The following MAGI1 variants were observed in gnomAD, a reference collection of about 807,000 sequenced individuals.
MAGI1 encodes the protein membrane-associated guanylate kinase, WW and PDZ domain-containing protein 1.
MAGI1 carries 58 observed loss-of-function variants against 139.9 expected under a neutral mutation model. The observed-to-expected ratio is 0.41, with a 90% CI of 0.34 to 0.52. The LOEUF (loss-of-function observed/expected upper bound fraction) is 0.52. Among genes scored for constraint, MAGI1 ranks in the 20% least tolerant of loss-of-function variants. The pLI, the probability that MAGI1 is intolerant of heterozygous loss-of-function variation, is 0.12. For missense variants in MAGI1, 1,874 were observed against 1,901.6 expected (o/e 0.99, Z 0.27); for synonymous variants, 812 against 737.9 (o/e 1.10, Z -1.63).
intron 1 of MAGI1, among the ~76,000 whole-genome samples, chr3:65,929,876 T>C (rs763395845): frequency 1.3e-5 from 2 of 151,972 alleles, no homozygotes; most frequent in East Asian, 3.9e-4. Context: ...AATTCTGGGG[T>C]CTAATCCATT....
At position 65,356,507 on chromosome 3, in the gene MAGI1, T is replaced by C. The variant is rs1352995509; in HGVS notation, c.4260A>G (p.Arg1420=). 3.1e-6 allele frequency: 5 copies of C among 1,608,946 alleles called. No homozygotes were observed. The highest frequency in any genetic ancestry group is 3.4e-6 in the Non-Finnish European group (4 of 1,179,094). Residue 1420 remains arginine (R), a synonymous_variant, in exon 23 of 23, where the codon AGA becomes AGG. Coordinates refer to ENST00000402939, the MANE Select transcript of MAGI1 (RefSeq NM_001033057.2). ...TTTCTCGGTGGCTGGCTCTGTCCTC[T>C]CTGTTCCTTTTGTCCAGGGACCGCT... ...RRERSLDKRN[R]EDRASHRERE... is the part of the protein sequence containing the mutation.
In MAGI1 at chr3:65,585,371, T is replaced by C. The variant is rs1255561098; in HGVS notation, c.430+36601A>G. 3.3e-5 allele frequency among the ~76,000 whole-genome samples: 5 copies of C among 152,158 alleles called. No individual in the cohort carries two copies. The East Asian group carries it at 9.6e-4, about 29-fold the overall frequency. On this transcript the variant is annotated intron_variant, in intron 2 of 22. Coordinates refer to ENST00000402939, the MANE Select transcript of MAGI1 (RefSeq NM_001033057.2). ...GTGGATAAAGGATTTGAACAGACAC[T>C]TCACAAAAGAAAATATACAGATGGC... is the stretch of plus-strand genomic sequence containing the variant.
Position 65,899,106 on chromosome 3 carries a change from C to T in MAGI1, c.313+138890G>A, listed in dbSNP as rs188413268. 5.8e-4 allele frequency among the ~76,000 whole-genome samples: 88 copies of T among 151,936 alleles called. 1 individual carries two copies. Among genetic ancestry groups the T allele is most frequent in the African/African-American group, 1.9e-3 (79 of 41,448 alleles). ...CGCTCAGCTAATTTTTTTGTAGAGA[C>T]GGGTTTCGCCATGTTGCCCAGGCTG... On this transcript the variant is annotated intron_variant, in intron 1 of 22. Transcript: ENST00000402939.
chr3:65,973,170 A>T (rs2065091199), intron 1 of MAGI1, among the ~76,000 whole-genome samples: 1 of 152,066 alleles, frequency 6.6e-6, no homozygotes, highest in African/African-American at 2.4e-5. Context: ...AAATAAAATA[A>T]AATATAAAAT....
At chr3:66,018,531 G>A (rs192414828) in intron 1 of MAGI1, among the ~76,000 whole-genome samples, 30 of 152,268 alleles carry the variant, frequency 2.0e-4, no homozygotes, top group Admixed American at 1.2e-3. Flanking sequence ...TCACACAGCC[G>A]GTAAGGGCCG....
intron 17 of MAGI1, among the ~76,000 whole-genome samples, chr3:65,378,177 G>A (rs1474361822): frequency 6.6e-6 from 1 of 152,178 alleles, no homozygotes; most frequent in Non-Finnish European, 1.5e-5. Context: ...GCAATGGGAA[G>A]CAGATTCATA....
chr3:65,723,754 C>T (rs1026052880), intron 1 of MAGI1, among the ~76,000 whole-genome samples: 1 of 152,176 alleles, frequency 6.6e-6, no homozygotes, highest in Non-Finnish European at 1.5e-5. Flanking sequence ...GTACTTTTGA[C>T]ATGTAAAAAT....
chr3:65,463,155 A>G (rs7612488), intron 5 of MAGI1, among the ~76,000 whole-genome samples: 83,135 of 151,742 alleles, frequency 0.55, 23,988 homozygotes, highest in East Asian at 0.94. Flanking sequence ...TCCAGGTGGT[A>G]AGAGAGGGTA....
chr3:65,788,734 AG>A (rs1183296272), intron 1 of MAGI1, among the ~76,000 whole-genome samples: 1 of 152,224 alleles, frequency 6.6e-6, no homozygotes, highest in Non-Finnish European at 1.5e-5. Flanking sequence ...CAGAGAAATG[AG>A]GCAGCCTCAA....
intron 5 of MAGI1, among the ~76,000 whole-genome samples, chr3:65,468,841 C>G (rs1950351772): frequency 6.6e-6 from 1 of 151,710 alleles, no homozygotes; most frequent in African/African-American, 2.4e-5. Context: ...GAGGCTGAGG[C>G]AGGAGGATCA....
At chr3:65,600,130 G>T (rs2082411304) in intron 2 of MAGI1, among the ~76,000 whole-genome samples, 1 of 152,114 alleles carries the variant, frequency 6.6e-6, no homozygotes. Context: ...GCTGAAAAAT[G>T]GAATTTGTAT....
intron 1 of MAGI1, among the ~76,000 whole-genome samples, chr3:65,783,806 A>C (rs1024332422): frequency 2.0e-5 from 2 of 97,590 alleles, no homozygotes; most frequent in African/African-American, 3.6e-5. Flanking sequence ...CCTGTACCAA[A>C]AAAAAAAAAA....
chr3:65,372,038 A>C (rs1297926588), intron 18 of MAGI1: 4 of 230,510 alleles, frequency 1.7e-5, no homozygotes, highest in African/African-American at 9.2e-5. Flanking sequence ...ATGAATCATA[A>C]ATGTTCTTAA....
chr3:66,034,180 G>A (rs1397707169), intron 1 of MAGI1, among the ~76,000 whole-genome samples: 1 of 124,682 alleles, frequency 8.0e-6, no homozygotes, highest in East Asian at 2.8e-4. Flanking sequence ...CCCCCGCAAA[G>A]CTTCTGAATT....
At chr3:65,954,313 A>G (rs2064007148) in intron 1 of MAGI1, 1 of 152,474 alleles carries the variant, frequency 6.6e-6, no homozygotes, top group South Asian at 2.1e-4. Context: ...TTCAGAAGCT[A>G]TTTTGTGGGA....
chr3:65,636,069 T>C (rs1356361352), intron 1 of MAGI1, among the ~76,000 whole-genome samples: 6 of 151,994 alleles, frequency 3.9e-5, no homozygotes, highest in African/African-American at 1.5e-4. Context: ...AGTTTCAAAT[T>C]CAGAAACAAA....
At chr3:65,531,704 C>T (rs2078719833) in intron 2 of MAGI1, among the ~76,000 whole-genome samples, 1 of 152,134 alleles carries the variant, frequency 6.6e-6, no homozygotes, top group South Asian at 2.1e-4. Flanking sequence ...GCCTTGGGGC[C>T]AGACTGCTGG....
intron 1 of MAGI1, among the ~76,000 whole-genome samples, chr3:65,782,872 G>A (rs1365225682): frequency 6.7e-6 from 1 of 149,164 alleles, no homozygotes; most frequent in Non-Finnish European, 1.5e-5. Flanking sequence ...TCACAGATCA[G>A]AAGCCTAAAT....
At chr3:65,853,441 CGAAATTTTT>C (rs2059274610) in intron 1 of MAGI1, among the ~76,000 whole-genome samples, 1 of 152,248 alleles carries the variant, frequency 6.6e-6, no homozygotes, top group Non-Finnish European at 1.5e-5. Flanking sequence ...TTTGTGCTGA[CGAAATTTTT>C]AACACGAGTT....
Sources: allele counts gnomAD v4.1 joint callset (sites outside exome capture counted in the v4.1 genomes callset), GRCh38; gene constraint gnomAD v4.1.1; transcripts MANE v1.5; gene names NCBI Gene and HGNC (gene_info 2026-07-23, HGNC 2026-07-21).